ARID1B: variants seen among roughly 807,000 people sequenced by gnomAD.
The protein encoded by ARID1B is AT-rich interaction domain 1B.
A neutral mutation model predicts 212.3 loss-of-function variants in ARID1B; 30 were observed. The ratio of observed to expected loss-of-function variants is 0.14; its 90% CI spans 0.11 to 0.19. The LOEUF (loss-of-function observed/expected upper bound fraction) is 0.19, where lower values mean the gene tolerates loss of function less well. Among genes scored for constraint, ARID1B ranks in the 10% least tolerant of loss-of-function variants. The pLI is 1.00. For missense variants in ARID1B, 2,891 were observed against 3,204.0 expected, an observed-to-expected ratio of 0.90 and a Z score of 2.36; for synonymous variants, 1,402 against 1,301.7, an observed-to-expected ratio of 1.08 and a Z score of -1.66.
intron 3 of ARID1B, among the ~76,000 whole-genome samples, chr6:156,902,989 A>G (rs922398170): frequency 2.0e-5 from 3 of 152,126 alleles, no homozygotes; most frequent in African/African-American, 7.2e-5. Flanking sequence ...CATGTCATCA[A>G]AATTTAAGGA....
At chr6:156,813,248 C>T (rs971636621) in intron 1 of ARID1B, among the ~76,000 whole-genome samples, 7 of 150,454 alleles carry the variant, frequency 4.7e-5, no homozygotes, top group Non-Finnish European at 1.0e-4. Flanking sequence ...CAACTGTAGG[C>T]GCATGCTGCC....
chr6:157,095,324 G>A (rs1031318983), intron 5 of ARID1B, among the ~76,000 whole-genome samples: 1 of 152,200 alleles, frequency 6.6e-6, no homozygotes, highest in African/African-American at 2.4e-5. Flanking sequence ...GAGCTAATCG[G>A]TCTGACACGG....
rs1326036011 is a variant in ARID1B, at chr6:157,210,723, T to G, written c.*2832T>G. On this transcript the variant is annotated 3_prime_UTR_variant, in exon 20 of 20. Transcript: ENST00000636930. ...ATGTGTACCAAAAAAAAAAAAAAGA[T>G]AAAAAATAAAGGTGCAAAGAAAGTT... The G allele has an allele frequency of 2.6e-5, 6 of 226,440 alleles. No homozygotes were observed. Among genetic ancestry groups the G allele is most frequent in the Non-Finnish European group, 5.2e-5 (6 of 114,982 alleles). The allele number at this position is 226,440 out of a possible 1,614,324, so 14.0% of individuals were successfully genotyped here. A position where few individuals can be genotyped will look rare whatever the true frequency, so the allele number is the denominator to read the frequency against.
intron 6 of ARID1B, among the ~76,000 whole-genome samples, chr6:157,123,882 A>G (rs1278059437): frequency 1.3e-5 from 2 of 152,262 alleles, no homozygotes; most frequent in African/African-American, 4.8e-5. Context: ...CTTTGCAGCT[A>G]CTAACGTGCC....
chr6:156,776,368 A>G (rs1374702685), upstream of ARID1B: 1 of 152,194 alleles, frequency 6.6e-6, no homozygotes, highest in Non-Finnish European at 1.5e-5. Flanking sequence ...ACTAGAGTTG[A>G]CTGTTTTATA....
At chr6:156,981,532 A>G (rs981224484) in intron 4 of ARID1B, among the ~76,000 whole-genome samples, 2 of 152,276 alleles carry the variant, frequency 1.3e-5, no homozygotes, top group East Asian at 1.9e-4. Context: ...TATACATGCA[A>G]TCATTGCTAT....
At chr6:157,001,860 C>T (rs982479293) in intron 4 of ARID1B, among the ~76,000 whole-genome samples, 10 of 152,242 alleles carry the variant, frequency 6.6e-5, no homozygotes, top group Admixed American at 3.9e-4. Context: ...GGAATTCGGC[C>T]GGAGGAGAGA....
rs529609598 is a variant in ARID1B at position 157,099,927 on chromosome 6, A to G, written c.2492-10545A>G. Among the ~76,000 whole-genome samples, 5 of 152,328 alleles carry G rather than the reference A, an allele frequency of 3.3e-5. No individual in the cohort carries two copies. In the South Asian group the frequency reaches 1.0e-3, roughly 32 times the overall value. On this transcript the variant is annotated intron_variant, in intron 5 of 19. Transcript: ENST00000636930. Reference sequence around the variant, plus strand: ...CATGGCTCGGGAGTATCCAAGTCAGATAGCCTCTGAAGTGCCCATTTATCT... The same window carrying G: ...CATGGCTCGGGAGTATCCAAGTCAGGTAGCCTCTGAAGTGCCCATTTATCT...
At chr6:157,032,883 C>T (rs1781099037) in intron 4 of ARID1B, among the ~76,000 whole-genome samples, 3 of 152,076 alleles carry the variant, frequency 2.0e-5, no homozygotes, top group Admixed American at 2.0e-4. Flanking sequence ...ATTCTTTTTA[C>T]TTAATAGAGT....
chr6:157,152,520 A>G (rs1003086445), intron 8 of ARID1B: 1 of 152,190 alleles, frequency 6.6e-6, no homozygotes, highest in Admixed American at 6.5e-5. Context: ...TTATGTCTAC[A>G]CTATTCTTTC....
chr6:157,129,532 G>GA (rs1344223055), intron 6 of ARID1B, among the ~76,000 whole-genome samples: 3 of 152,116 alleles, frequency 2.0e-5, no homozygotes, highest in South Asian at 4.1e-4. Context: ...ATAATACAAA[G>GA]AAAAAAATAG....
At chr6:156,923,940 C>A (rs1010918466) in intron 3 of ARID1B, among the ~76,000 whole-genome samples, 2 of 152,128 alleles carry the variant, frequency 1.3e-5, no homozygotes, top group African/African-American at 2.4e-5. Context: ...GGCGATCTTC[C>A]TGCCTCAGCC....
At chr6:157,198,468 A>C (rs1309192044) in intron 16 of ARID1B, 4 of 255,920 alleles carry the variant, frequency 1.6e-5, no homozygotes, top group Admixed American at 9.8e-5. Context: ...ACACTTCCTA[A>C]GGTACACGTC....
chr6:157,197,771 A>G (rs768723248), intron 16 of ARID1B, among the ~76,000 whole-genome samples: 3 of 152,188 alleles, frequency 2.0e-5, no homozygotes, highest in Non-Finnish European at 4.4e-5. Flanking sequence ...GGCTCTATCT[A>G]CCACATTAAA....
intron 1 of ARID1B, among the ~76,000 whole-genome samples, chr6:156,806,016 C>T (rs1357589562): frequency 1.3e-5 from 2 of 152,156 alleles, no homozygotes; most frequent in Non-Finnish European, 2.9e-5. Context: ...TGAGTTCCCC[C>T]TCACTCCAGT....
intron 3 of ARID1B, among the ~76,000 whole-genome samples, chr6:156,928,041 T>G (rs556106541): frequency 1.1e-3 from 170 of 152,188 alleles, no homozygotes; most frequent in Non-Finnish European, 2.1e-3. Flanking sequence ...GGCATCCACT[T>G]GGACTGGCTG....
chr6:156,990,369 G>A (rs556955608), intron 4 of ARID1B, among the ~76,000 whole-genome samples: 32 of 152,066 alleles, frequency 2.1e-4, no homozygotes, highest in Admixed American at 1.3e-3. Flanking sequence ...TAGGCCGGGC[G>A]CTGTGGCTCA....
chr6:156,846,941 TTTAA>T (rs1784274004), intron 2 of ARID1B, among the ~76,000 whole-genome samples: 1 of 152,238 alleles, frequency 6.6e-6, no homozygotes, highest in Admixed American at 6.5e-5. Context: ...AGATTAAAAC[TTTAA>T]TTATCACTTG....
chr6:157,063,997 G>T (rs1253975524), intron 4 of ARID1B, among the ~76,000 whole-genome samples: 1 of 152,182 alleles, frequency 6.6e-6, no homozygotes, highest in Non-Finnish European at 1.5e-5. Flanking sequence ...AGTCTGTGAG[G>T]GGGGCATCAG....
Sources: allele counts gnomAD v4.1 joint callset (sites outside exome capture counted in the v4.1 genomes callset), GRCh38; gene constraint gnomAD v4.1.1; transcripts MANE v1.5; gene names NCBI Gene and HGNC (gene_info 2026-07-23, HGNC 2026-07-21).